The following MED26 variants were observed in gnomAD, a reference collection of about 807,000 sequenced individuals.
MED26 encodes mediator of RNA polymerase II transcription subunit 26.
Under a neutral mutation model 43.7 loss-of-function variants are expected in MED26, and 7 were observed. The observed-to-expected ratio is 0.16, with a 90% confidence interval of 0.09 to 0.30. MED26 has a LOEUF of 0.30. Among genes scored for constraint, MED26 ranks in the 10% least tolerant of loss-of-function variants. The probability of loss-of-function intolerance (pLI) is 1.00; values close to 1 mark genes in which losing one functional copy is unlikely to be tolerated. For missense variants in MED26, 784 were observed against 840.6 expected, an observed-to-expected ratio of 0.93 and a Z score of 0.83; for synonymous variants, 375 against 371.1, an observed-to-expected ratio of 1.01 and a Z score of -0.12.
intron 1 of MED26, among the ~76,000 whole-genome samples, chr19:16,584,299 C>T (rs573297994): frequency 7.0e-6 from 1 of 142,094 alleles, no homozygotes; most frequent in East Asian, 2.0e-4. Flanking sequence ...ACACTGCCCC[C>T]CCCCGCCCCG....
chr19:16,625,066 A>G (rs1307381872), intron 1 of MED26, among the ~76,000 whole-genome samples: 5 of 152,212 alleles, frequency 3.3e-5, no homozygotes, highest in Non-Finnish European at 2.9e-5. Flanking sequence ...AGTGAGAGTA[A>G]GCTGGAACAA....
At position 16,576,487 on chromosome 19, in the gene MED26, G is replaced by C. The variant is rs377438986; in HGVS notation, c.1343C>G (p.Pro448Arg). The change falls in exon 3 of 3, where the codon CCT becomes CGT. Residue 448 changes from proline (P) to arginine (R), a missense_variant. Pro to Arg is a moderately radical substitution (Grantham distance 103). Around this residue, in one of 3 missense-constraint regions of MED26, gnomAD observed 719 missense variants for 730.9 expected, o/e 0.98. Transcript: ENST00000263390. This position sits in a 1 kb window ranked among gnomAD's most constrained non-coding sequence, Gnocchi z 6.8. The part of the protein sequence containing the change: ...TQKEPVRADS[P>R]VHMEQQSRTE... ...CCTGGACTGCTGCTCCATGTGCACA[G>C]GGCTGTCTGCCCGCACTGGCTCTTT... 8.1e-6 allele frequency: 13 copies of C among 1,614,056 alleles called. No homozygotes were observed. The highest frequency in any genetic ancestry group is 1.0e-5 in the Non-Finnish European group (12 of 1,180,032).
rs149713306 is a variant in MED26, at chr19:16,614,558, G to T, written c.72+13314C>A. On this transcript the variant is annotated intron_variant, in intron 1 of 2. Transcript: ENST00000263390. Reference sequence around the variant, plus strand: ...AAATAAAATAAAATAAAAAGGTGGGGGGTGGGTGGGGAGTGTCTGCCCAGG... The same window carrying T: ...AAATAAAATAAAATAAAAAGGTGGGTGGTGGGTGGGGAGTGTCTGCCCAGG... 4.1e-3 allele frequency among the ~76,000 whole-genome samples: 626 copies of T among 152,152 alleles called. 1 individual carries two copies. Among genetic ancestry groups the T allele is most frequent in the African/African-American group, 0.014 (587 of 41,506 alleles).
At chr19:16,613,078 A>G (rs1208325379) in intron 1 of MED26, among the ~76,000 whole-genome samples, 1 of 152,164 alleles carries the variant, frequency 6.6e-6, no homozygotes, top group Non-Finnish European at 1.5e-5. Context: ...TACCTTTAGT[A>G]GGATAGGGAC....
chr19:16,607,476 G>A (rs1339176928), intron 1 of MED26, among the ~76,000 whole-genome samples: 1 of 152,194 alleles, frequency 6.6e-6, no homozygotes, highest in East Asian at 1.9e-4. Context: ...TCATGTTGGG[G>A]AAGGCAGGCA....
intron 1 of MED26, among the ~76,000 whole-genome samples, chr19:16,619,556 TG>T (rs2086242059): frequency 6.6e-6 from 1 of 152,044 alleles, no homozygotes; most frequent in Non-Finnish European, 1.5e-5. Flanking sequence ...ACCAGGAGTG[TG>T]GGTGGGAAAC....
In MED26 at chr19:16,575,780, C is replaced by T; in HGVS notation, c.*247G>A. The T allele has an allele frequency of 1.9e-6, 1 of 531,562 alleles. No individual in the cohort carries two copies. Among genetic ancestry groups the T allele is most frequent in the South Asian group, 2.3e-5 (1 of 42,796 alleles). 32.9% of individuals were successfully genotyped at this position (531,562 alleles called of 1,614,324 possible). A position where few individuals can be genotyped will look rare whatever the true frequency, so the allele number is the denominator to read the frequency against. ...GCTATAGAGTTCTGAACTCACTTTG[C>T]CGTCCTTCCTTCCACGCGGTCCTTC... On this transcript the variant is annotated 3_prime_UTR_variant, in exon 3 of 3. Transcript: ENST00000263390.
intron 1 of MED26, among the ~76,000 whole-genome samples, chr19:16,617,708 C>A (rs2086232435): frequency 6.6e-6 from 1 of 152,168 alleles, no homozygotes; most frequent in East Asian, 1.9e-4. Flanking sequence ...CGGAGGAGCT[C>A]ACAGGAGAGC....
At chr19:16,609,570 C>A (rs60491461) in intron 1 of MED26, among the ~76,000 whole-genome samples, 1 of 151,634 alleles carries the variant, frequency 6.6e-6, no homozygotes, top group African/African-American at 2.4e-5. Context: ...GATTTCTTTT[C>A]TTTTTCCTGA....
At chr19:16,592,036 G>T (rs1250898132) in intron 1 of MED26, among the ~76,000 whole-genome samples, 1 of 152,150 alleles carries the variant, frequency 6.6e-6, no homozygotes, top group Non-Finnish European at 1.5e-5. Flanking sequence ...AAGCCCTCAA[G>T]GAGGCCCAGC....
intron 1 of MED26, among the ~76,000 whole-genome samples, chr19:16,616,815 G>GA (rs1193048185): frequency 1.3e-5 from 2 of 152,034 alleles, no homozygotes; most frequent in African/African-American, 4.8e-5. Context: ...GTTGTGTAGA[G>GA]AAAAAAGAGA....
intron 1 of MED26, chr19:16,612,092 T>C (rs1439083288): frequency 1.3e-5 from 2 of 152,120 alleles, no homozygotes; most frequent in African/African-American, 4.8e-5. Context: ...TGCAGGTTGT[T>C]GGGGGTGGGG....
chr19:16,578,629 T>C (rs2086026831), intron 1 of MED26: 1 of 564,114 alleles, frequency 1.8e-6, no homozygotes, highest in Admixed American at 3.1e-5. Context: ...GTGTGTGGTG[T>C]GCGGGCTGCC....
At chr19:16,627,698 C>T (rs1247416360) in intron 1 of MED26, among the ~76,000 whole-genome samples, 174 bp downstream of exon 1, 1 of 152,228 alleles carries the variant, frequency 6.6e-6, no homozygotes, top group African/African-American at 2.4e-5. Context: ...TGCCGGGCTG[C>T]CCGACCTGCC....
At chr19:16,603,899 G>C (rs1427273393) in intron 1 of MED26, among the ~76,000 whole-genome samples, 1 of 152,168 alleles carries the variant, frequency 6.6e-6, no homozygotes, top group Non-Finnish European at 1.5e-5. Flanking sequence ...CCATGGAAAG[G>C]TGCCTCTGCC....
At chr19:16,616,384 C>T (rs1404718466) in intron 1 of MED26, among the ~76,000 whole-genome samples, 4 of 152,194 alleles carry the variant, frequency 2.6e-5, no homozygotes, top group Non-Finnish European at 4.4e-5. Context: ...CCACTATATG[C>T]CACCTAAAGA....
Position 16,576,069 on chromosome 19 carries a change from G to A in MED26, c.1761C>T (p.Asp587=), listed in dbSNP as rs766967175. The change falls in exon 3 of 3, where the codon GAC becomes GAT. Residue 587 remains aspartate (D), a synonymous_variant. Transcript: ENST00000263390. This position sits in a 1 kb window ranked among gnomAD's most constrained non-coding sequence, Gnocchi z 6.8. ...AAGGCAGAATGTTCAAGCGCCCGTC[G>A]TCGCCGTGCGGATCGAGCGATATGC... The part of the protein sequence containing the change: ...TQCISLDPHG[D]DGRLNILPYV... 112 of 1,613,628 alleles carry A rather than the reference G, an allele frequency of 6.9e-5. No individual in the cohort carries two copies. The highest frequency in any genetic ancestry group is 1.1e-4 in the African/African-American group (8 of 74,892).
intron 1 of MED26, among the ~76,000 whole-genome samples, chr19:16,584,298 C>G (rs1401020155): frequency 2.8e-5 from 4 of 141,988 alleles, no homozygotes; most frequent in Non-Finnish European, 6.0e-5. Flanking sequence ...AACACTGCCC[C>G]CCCCCGCCCC....
Position 16,576,242 on chromosome 19 carries a change from C to G in MED26, c.1588G>C (p.Val530Leu), listed in dbSNP as rs371790045. The G allele has an allele frequency of 9.9e-6, 16 of 1,611,308 alleles. No individual in the cohort carries two copies. In the South Asian group the frequency reaches 1.8e-4, roughly 18 times the overall value. ...STRQGARQLH[V>L]LVPQSPPTDL... Reference sequence around the variant, plus strand: ...GTGGGCGGGCTTTGAGGCACCAGCACATGCAGCTGCCTGGCCCCTTGCCGG... The same window carrying G: ...GTGGGCGGGCTTTGAGGCACCAGCAGATGCAGCTGCCTGGCCCCTTGCCGG... Residue 530 changes from valine (V) to leucine (L), a missense_variant, in exon 3 of 3, where the codon GTG becomes CTG. Val to Leu is a conservative substitution (Grantham distance 32). Around this residue, in one of 3 missense-constraint regions of MED26, gnomAD observed 719 missense variants for 730.9 expected, o/e 0.98. Coordinates refer to ENST00000263390, the MANE Select transcript of MED26 (RefSeq NM_004831.5). This position sits in a 1 kb window ranked among gnomAD's most constrained non-coding sequence, Gnocchi z 6.8.
Sources: allele counts gnomAD v4.1 joint callset (sites outside exome capture counted in the v4.1 genomes callset), GRCh38; gene constraint gnomAD v4.1.1; regional missense constraint gnomAD v4.1.1; non-coding constraint Gnocchi (gnomAD v3.1); transcripts MANE v1.5; gene names NCBI Gene and HGNC (gene_info 2026-07-23, HGNC 2026-07-21).